The following CDH4 variants were observed in gnomAD, a reference collection of about 807,000 sequenced individuals.
The protein encoded by CDH4 is cadherin-4.
In CDH4, 33 loss-of-function variants were observed where a neutral mutation model predicts 86.0. That is an observed-to-expected ratio of 0.38 (90% CI 0.29 to 0.51). The LOEUF is 0.51. CDH4 is among the 20% of genes least tolerant of loss of function. The probability of loss-of-function intolerance (pLI) is 0.86; values close to 1 mark genes in which losing one functional copy is unlikely to be tolerated. For missense variants in CDH4, 1,114 were observed against 1,307.4 expected, an observed-to-expected ratio of 0.85 and a Z score of 2.28; for synonymous variants, 555 against 549.4, an observed-to-expected ratio of 1.01 and a Z score of -0.14.
chr20:61,764,721 C>T (rs566020740), intron 3 of CDH4, among the ~76,000 whole-genome samples: 9 of 152,322 alleles, frequency 5.9e-5, no homozygotes, highest in East Asian at 3.9e-4. Context: ...GTGAAGCTTC[C>T]GCTCCCCAAG....
intron 2 of CDH4, among the ~76,000 whole-genome samples, chr20:61,661,086 G>C (rs1600850362): frequency 1.2e-5 from 1 of 85,524 alleles, no homozygotes. Context: ...AGGCATGGCG[G>C]GGGGGGGGGA....
Position 61,937,068 on chromosome 20 carries a change from C to A in CDH4, c.*125C>A. On this transcript the variant is annotated 3_prime_UTR_variant, in exon 16 of 16. Transcript: ENST00000614565. ...GTCCTTAGTGCTGTTAGGAGGCCCC[C>A]CAATCCCCACGTTGAGCTGTCTAGC... 1 of 736,192 alleles carries A rather than the reference C, an allele frequency of 1.4e-6. No homozygotes were observed. The highest frequency in any genetic ancestry group is 2.1e-6 in the Non-Finnish European group (1 of 487,530). 45.6% of individuals were successfully genotyped at this position (736,192 alleles called of 1,614,324 possible).
chr20:61,835,040 T>A (rs554203781), intron 4 of CDH4, among the ~76,000 whole-genome samples: 1 of 152,294 alleles, frequency 6.6e-6, no homozygotes, highest in South Asian at 2.1e-4. Flanking sequence ...ACAGAAAGAA[T>A]GCAGGCAACA....
At chr20:61,414,731 C>T (rs368157601) in intron 2 of CDH4, among the ~76,000 whole-genome samples, 11 of 152,276 alleles carry the variant, frequency 7.2e-5, no homozygotes, top group African/African-American at 2.4e-4. Flanking sequence ...AATCAGAATT[C>T]CGATTAGAGC....
intron 3 of CDH4, among the ~76,000 whole-genome samples, chr20:61,744,356 G>A (rs2088383040): frequency 1.3e-5 from 2 of 151,202 alleles, no homozygotes; most frequent in Admixed American, 1.3e-4. Flanking sequence ...AAAGGAGAGG[G>A]AGGGAGAGGA....
At chr20:61,609,634 A>G (rs998823701) in intron 2 of CDH4, among the ~76,000 whole-genome samples, 1 of 152,132 alleles carries the variant, frequency 6.6e-6, no homozygotes, top group Non-Finnish European at 1.5e-5. Context: ...CGTGCTCCTC[A>G]TTCTCTGTCG....
intron 2 of CDH4, among the ~76,000 whole-genome samples, chr20:61,268,512 G>A (rs2084168428): frequency 6.6e-6 from 1 of 152,202 alleles, no homozygotes; most frequent in Non-Finnish European, 1.5e-5. Flanking sequence ...TTTCTTCAGG[G>A]GGTGCTATGG....
At chr20:61,832,170 C>T (rs1048937582) in intron 4 of CDH4, among the ~76,000 whole-genome samples, 3 of 152,244 alleles carry the variant, frequency 2.0e-5, no homozygotes, top group Admixed American at 6.5e-5. Flanking sequence ...TGTCTGGAAA[C>T]AGCCACCTTC....
chr20:61,676,595 T>C lies in CDH4; in HGVS notation c.170-66968T>C, dbSNP rs919743540. Reference sequence around the variant, plus strand: ...AGGCTGTGACAGTGCCCTGGCTCTGTGCACCCAGCCAGGGTTCACTGAGTG... The same window carrying C: ...AGGCTGTGACAGTGCCCTGGCTCTGCGCACCCAGCCAGGGTTCACTGAGTG... On this transcript the variant is annotated intron_variant, in intron 2 of 15. Transcript: ENST00000614565. This position sits in a 1 kb window ranked among gnomAD's most constrained non-coding sequence, Gnocchi z 4.5. Among the ~76,000 whole-genome samples, 19 of 152,248 alleles carry C rather than the reference T, an allele frequency of 1.2e-4. No individual in the cohort carries two copies. Among genetic ancestry groups the C allele is most frequent in the South Asian group, 4.1e-4 (2 of 4,824 alleles).
intron 2 of CDH4, among the ~76,000 whole-genome samples, chr20:61,341,296 A>G (rs1398779122): frequency 1.3e-5 from 2 of 152,226 alleles, no homozygotes; most frequent in Non-Finnish European, 2.9e-5. Flanking sequence ...AAAATGGGGC[A>G]CAGAGCTTGA....
chr20:61,800,075 G>A (rs2146030265), intron 4 of CDH4, among the ~76,000 whole-genome samples: 1 of 152,320 alleles, frequency 6.6e-6, no homozygotes, highest in South Asian at 2.1e-4. Flanking sequence ...GGGTTCCCCA[G>A]CCCACAGCAT....
chr20:61,496,442 C>T (rs2085663606), intron 2 of CDH4, among the ~76,000 whole-genome samples: 1 of 152,120 alleles, frequency 6.6e-6, no homozygotes, highest in Non-Finnish European at 1.5e-5. Flanking sequence ...TCCTGTGTTT[C>T]CTTCATCCCA....
At chr20:61,422,533 A>C (rs1377559300) in intron 2 of CDH4, among the ~76,000 whole-genome samples, 1 of 151,510 alleles carries the variant, frequency 6.6e-6, no homozygotes, top group African/African-American at 2.4e-5. Flanking sequence ...GCAGCAGTAA[A>C]TACATTTATA....
intron 2 of CDH4, among the ~76,000 whole-genome samples, chr20:61,705,600 C>T (rs2087820870): frequency 6.6e-6 from 1 of 152,134 alleles, no homozygotes; most frequent in African/African-American, 2.4e-5. Flanking sequence ...AGGAGAGCCA[C>T]CCTCATGGGA....
At chr20:61,763,342 C>T (rs1353509565) in intron 3 of CDH4, among the ~76,000 whole-genome samples, 1 of 152,236 alleles carries the variant, frequency 6.6e-6, no homozygotes, top group Admixed American at 6.5e-5. Context: ...CCCTGTTCCC[C>T]TCTTCCATCT....
At chr20:61,622,715 C>T (rs2086788326) in intron 2 of CDH4, among the ~76,000 whole-genome samples, 2 of 152,236 alleles carry the variant, frequency 1.3e-5, no homozygotes, top group Non-Finnish European at 2.9e-5. Flanking sequence ...GTAGGGGCTG[C>T]CCTGTGCATT....
rs367599652 is a variant in CDH4, at chr20:61,496,210, G to A, written c.169+241273G>A. 5.3e-5 allele frequency among the ~76,000 whole-genome samples: 8 copies of A among 151,896 alleles called. No individual in the cohort carries two copies. The East Asian group carries it at 1.4e-3, about 26-fold the overall frequency. ...AGGCCAGGAGTTTGAGACCAGTCTG[G>A]GCAACACAGTGAGACCCTGTCTGTA... On this transcript the variant is annotated intron_variant, in intron 2 of 15. Transcript: ENST00000614565.
chr20:61,656,754 G>T (rs116214506), intron 2 of CDH4, among the ~76,000 whole-genome samples: 1,570 of 152,280 alleles, frequency 0.01, 28 homozygotes, highest in African/African-American at 0.036. Flanking sequence ...TGAATAGGAG[G>T]TGATGCCAAA....
chr20:61,510,852 G>A lies in CDH4; in HGVS notation c.170-232711G>A, dbSNP rs1034211800. ...TGCAGGATGCCTGGTGCCAGCATCTGCTTAGCTTCTAGGGTGGCCTCAGGA... is the reference window on the plus strand; with the variant it reads ...TGCAGGATGCCTGGTGCCAGCATCTACTTAGCTTCTAGGGTGGCCTCAGGA... On this transcript the variant is annotated intron_variant, in intron 2 of 15. Coordinates refer to ENST00000614565, the MANE Select transcript of CDH4 (RefSeq NM_001794.5). The surrounding 1 kb of genome is among the most constrained non-coding windows in gnomAD (Gnocchi z 4.2). Among the ~76,000 whole-genome samples the A allele has an allele frequency of 6.6e-6, 1 of 151,746 alleles. No individual in the cohort carries two copies. The highest frequency in any genetic ancestry group is 1.5e-5 in the Non-Finnish European group (1 of 67,974).
Sources: gnomAD v4.1 joint callset for allele counts (sites outside exome capture counted in the v4.1 genomes callset) on GRCh38, gnomAD v4.1.1 for gene constraint, Gnocchi (gnomAD v3.1) non-coding constraint, MANE v1.5 for transcripts, NCBI Gene and HGNC (gene_info 2026-07-23, HGNC 2026-07-21) for gene names.